TTC28: variants seen among roughly 807,000 people sequenced by gnomAD.
TTC28 encodes the protein tetratricopeptide repeat protein 28.
In TTC28, 61 loss-of-function variants were observed where a neutral mutation model predicts 198.0. The observed-to-expected ratio is 0.31, with a 90% confidence interval of 0.25 to 0.38. The LOEUF (loss-of-function observed/expected upper bound fraction) is 0.38. Among genes scored for constraint, TTC28 ranks in the 10% least tolerant of loss-of-function variants. The pLI, the probability that TTC28 is intolerant of heterozygous loss-of-function variation, is 1.00. For synonymous variants in TTC28, 1,171 were observed against 1,297.8 expected (o/e 0.90, Z 2.10); for missense variants, 2,678 against 3,164.0 (o/e 0.85, Z 3.69).
intron 5 of TTC28, among the ~76,000 whole-genome samples, chr22:28,263,115 G>A (rs994432871): frequency 2.0e-5 from 3 of 152,166 alleles, no homozygotes; most frequent in African/African-American, 7.2e-5. Flanking sequence ...GAAGCTTTAT[G>A]TGAGGTGTTG....
At chr22:28,441,271 G>A (rs1295927559) in intron 2 of TTC28, among the ~76,000 whole-genome samples, 1 of 152,230 alleles carries the variant, frequency 6.6e-6, no homozygotes, top group Non-Finnish European at 1.5e-5. Flanking sequence ...AGAGTTTGCA[G>A]ACATCTTAAA....
At chr22:28,197,622 A>T (rs1925508324) in intron 5 of TTC28, among the ~76,000 whole-genome samples, 1 of 152,140 alleles carries the variant, frequency 6.6e-6, no homozygotes, top group Admixed American at 6.6e-5. Flanking sequence ...TTTTAAATTT[A>T]TGTCAAAAAC....
At chr22:28,202,039 T>C (rs1926001080) in intron 5 of TTC28, among the ~76,000 whole-genome samples, 1 of 152,092 alleles carries the variant, frequency 6.6e-6, no homozygotes, top group African/African-American at 2.4e-5. Flanking sequence ...TCTTAGGAAG[T>C]AGTCTTATCC....
intron 5 of TTC28, among the ~76,000 whole-genome samples, chr22:28,174,825 A>C (rs568220283): frequency 2.0e-5 from 3 of 152,332 alleles, no homozygotes; most frequent in African/African-American, 7.2e-5. Flanking sequence ...TATCCAACAC[A>C]TAATCTTGGT....
At chr22:28,306,182 T>C (rs2045141233) in intron 3 of TTC28, among the ~76,000 whole-genome samples, 1 of 152,164 alleles carries the variant, frequency 6.6e-6, no homozygotes, top group Non-Finnish European at 1.5e-5. Context: ...ACAGAAAAAC[T>C]ATAAGGGTTT....
chr22:28,663,004 T>G (rs2145699296), intron 1 of TTC28, among the ~76,000 whole-genome samples: 2 of 151,998 alleles, frequency 1.3e-5, no homozygotes, highest in African/African-American at 4.8e-5. Context: ...ATCCCAGTAC[T>G]TTGGGAGGCT....
chr22:28,386,921 C>T (rs190790881), intron 2 of TTC28, among the ~76,000 whole-genome samples: 312 of 152,004 alleles, frequency 2.1e-3, no homozygotes, highest in African/African-American at 7.2e-3. Context: ...CATACATGTG[C>T]CATGCTGGTG....
chr22:28,092,168 T>G (rs1172822165), intron 12 of TTC28, among the ~76,000 whole-genome samples: 1 of 152,246 alleles, frequency 6.6e-6, no homozygotes, highest in African/African-American at 2.4e-5. Flanking sequence ...CCTGGCATTC[T>G]AGTTTGTACA....
intron 2 of TTC28, among the ~76,000 whole-genome samples, chr22:28,397,562 C>G (rs1333506737): frequency 6.6e-6 from 1 of 152,094 alleles, no homozygotes; most frequent in Non-Finnish European, 1.5e-5. Flanking sequence ...GTATACAAAC[C>G]ACGGATGCTT....
At chr22:28,102,076 T>TA (rs926554772) in intron 8 of TTC28, among the ~76,000 whole-genome samples, 1 of 152,190 alleles carries the variant, frequency 6.6e-6, no homozygotes, top group African/African-American at 2.4e-5. Flanking sequence ...CTGATAAACT[T>TA]ATCTAACCTG....
intron 6 of TTC28, among the ~76,000 whole-genome samples, chr22:28,138,641 T>C (rs1243588953): frequency 6.6e-6 from 1 of 152,192 alleles, no homozygotes; most frequent in Non-Finnish European, 1.5e-5. Flanking sequence ...CTGGCTTTAA[T>C]AGTTTGGAAA....
intron 1 of TTC28, among the ~76,000 whole-genome samples, chr22:28,630,795 T>C (rs1019674275): frequency 6.6e-6 from 1 of 152,216 alleles, no homozygotes; most frequent in African/African-American, 2.4e-5. Context: ...GTATGTTTAA[T>C]AGTTACATAC....
At chr22:28,122,162 T>C (rs12166158) in intron 6 of TTC28, among the ~76,000 whole-genome samples, 10,930 of 152,224 alleles carry the variant, frequency 0.072, 456 homozygotes, top group South Asian at 0.094. Flanking sequence ...ACCACCGCGC[T>C]CAGCCTGCTT....
chr22:28,375,743 T>C (rs1227089143), intron 2 of TTC28, among the ~76,000 whole-genome samples: 2 of 152,024 alleles, frequency 1.3e-5, no homozygotes, highest in African/African-American at 4.8e-5. Context: ...GTGGACTGAG[T>C]AGGGAAGATC....
intron 2 of TTC28, among the ~76,000 whole-genome samples, chr22:28,427,236 T>C (rs749348946): frequency 2.0e-5 from 3 of 152,252 alleles, no homozygotes; most frequent in Non-Finnish European, 4.4e-5. Flanking sequence ...TTACAAGATA[T>C]ATTTTCTTTT....
At chr22:28,387,340 G>C (rs1194094709) in intron 2 of TTC28, among the ~76,000 whole-genome samples, 3 of 152,170 alleles carry the variant, frequency 2.0e-5, no homozygotes, top group South Asian at 2.1e-4. Flanking sequence ...ATGATTTATA[G>C]TCCTTTGGGT....
chr22:27,999,452 T>C, intron 15 of TTC28, 192 bp from the exon 16 acceptor site: 1 of 834,452 alleles, frequency 1.2e-6, no homozygotes, highest in Non-Finnish European at 1.8e-6. Flanking sequence ...CTGAGAATCA[T>C]GCCTGCTGTG....
intron 2 of TTC28, among the ~76,000 whole-genome samples, chr22:28,354,784 T>C (rs1046544044): frequency 6.6e-6 from 1 of 152,130 alleles, no homozygotes; most frequent in Non-Finnish European, 1.5e-5. Flanking sequence ...TACTGATATA[T>C]ATATCAACAT....
intron 3 of TTC28, among the ~76,000 whole-genome samples, chr22:28,306,022 C>T (rs1242185411): frequency 6.6e-6 from 1 of 152,040 alleles, no homozygotes; most frequent in Middle Eastern, 3.2e-3. Flanking sequence ...AAATTTGAGA[C>T]ACAGCCTACA....
Sources: gnomAD v4.1 joint callset for allele counts (sites outside exome capture counted in the v4.1 genomes callset) on GRCh38, gnomAD v4.1.1 for gene constraint, MANE v1.5 for transcripts, NCBI Gene and HGNC (gene_info 2026-07-23, HGNC 2026-07-21) for gene names.